The following RALYL variants were observed in gnomAD, a reference collection of about 807,000 sequenced individuals.
RALYL encodes the protein RNA-binding Raly-like protein.
Under a neutral mutation model 35.1 loss-of-function variants are expected in RALYL, and 29 were observed. The ratio of observed to expected loss-of-function variants is 0.83; its 90% CI spans 0.61 to 1.13. The LOEUF (loss-of-function observed/expected upper bound fraction) is 1.13, where lower values mean the gene tolerates loss of function less well. Among genes scored for constraint, RALYL ranks in the 50% most tolerant of loss-of-function variants. The pLI is 0.00. For synonymous variants in RALYL, 120 were observed against 127.6 expected (o/e 0.94, Z 0.40); for missense variants, 359 against 360.4 (o/e 1.00, Z 0.03).
intron 1 of RALYL, among the ~76,000 whole-genome samples, chr8:84,522,900 C>T (rs927318661): frequency 5.3e-5 from 8 of 151,848 alleles, no homozygotes; most frequent in Non-Finnish European, 7.4e-5. Context: ...AAGACATACC[C>T]GAGACTGGTT....
intron 2 of RALYL, among the ~76,000 whole-genome samples, chr8:84,670,775 G>A (rs192970750): frequency 9.5e-4 from 145 of 152,258 alleles, no homozygotes; most frequent in African/African-American, 3.2e-3. Flanking sequence ...ACACATTAGG[G>A]ATTATGGGAG....
chr8:84,467,354 G>T, intron 1 of RALYL, among the ~76,000 whole-genome samples: 1 of 151,464 alleles, frequency 6.6e-6, no homozygotes, highest in East Asian at 2.0e-4. Context: ...CTTTGTTCTC[G>T]TTGGTTTCAA....
At chr8:84,834,902 A>C (rs185349325) in intron 4 of RALYL, among the ~76,000 whole-genome samples, 28 of 152,362 alleles carry the variant, frequency 1.8e-4, no homozygotes, top group African/African-American at 4.6e-4. Flanking sequence ...CTGCCTTTTC[A>C]GAGCTTATGA....
chr8:84,702,575 T>C (rs1227961067), intron 2 of RALYL, among the ~76,000 whole-genome samples: 1 of 150,078 alleles, frequency 6.7e-6, no homozygotes, highest in African/African-American at 2.5e-5. Flanking sequence ...ACTCATTCTT[T>C]CCCTTTCTCT....
intron 1 of RALYL, among the ~76,000 whole-genome samples, chr8:84,406,082 AC>A (rs1190705541): frequency 1.3e-5 from 2 of 151,612 alleles, no homozygotes; most frequent in African/African-American, 4.8e-5. Flanking sequence ...AAAAAGAATA[AC>A]AAAAAGTTAA....
chr8:84,277,005 A>G (rs968161284), intron 1 of RALYL, among the ~76,000 whole-genome samples: 9 of 152,222 alleles, frequency 5.9e-5, no homozygotes, highest in Non-Finnish European at 1.2e-4. Flanking sequence ...GAAAGCACGC[A>G]GCTGCCATTG....
chr8:84,913,645 T>A (rs1297235666), intron 8 of RALYL, among the ~76,000 whole-genome samples: 1 of 151,984 alleles, frequency 6.6e-6, no homozygotes, highest in African/African-American at 2.4e-5. Context: ...TCCTTCTACA[T>A]CTGTTATAAT....
At chr8:84,521,218 T>C (rs779176399) in intron 1 of RALYL, among the ~76,000 whole-genome samples, 1 of 152,168 alleles carries the variant, frequency 6.6e-6, no homozygotes, top group Non-Finnish European at 1.5e-5. Flanking sequence ...TCTTTCTCTC[T>C]TACATGTCAG....
At chr8:84,372,272 G>C (rs1226153365) in intron 1 of RALYL, among the ~76,000 whole-genome samples, 1 of 151,980 alleles carries the variant, frequency 6.6e-6, no homozygotes, top group Non-Finnish European at 1.5e-5. Flanking sequence ...CAGAAAAAAG[G>C]GCAGGTATTT....
Position 84,661,038 on chromosome 8 carries a change from C to T in RALYL, c.257-113541C>T, listed in dbSNP as rs183946349. Among the ~76,000 whole-genome samples, 1,430 of 152,200 alleles carry T rather than the reference C, an allele frequency of 9.4e-3. 14 individuals carry two copies. The highest frequency in any genetic ancestry group is 0.014 in the Non-Finnish European group (938 of 68,002). Reference sequence around the variant, plus strand: ...CTGCCTCCCGGGTTCACGCCATTCTCCTGCCTCAGTCTCCCGACTAGCTGG... The same window carrying T: ...CTGCCTCCCGGGTTCACGCCATTCTTCTGCCTCAGTCTCCCGACTAGCTGG... On this transcript the variant is annotated intron_variant, in intron 2 of 8. Transcript: ENST00000521268.
chr8:84,297,448 G>A (rs1340857567), intron 1 of RALYL, among the ~76,000 whole-genome samples: 1 of 151,972 alleles, frequency 6.6e-6, no homozygotes, highest in Non-Finnish European at 1.5e-5. Flanking sequence ...TCTTTATTCA[G>A]TCTACTCTTG....
At chr8:84,434,964 G>C (rs907584544) in intron 1 of RALYL, among the ~76,000 whole-genome samples, 4 of 152,086 alleles carry the variant, frequency 2.6e-5, no homozygotes, top group Admixed American at 6.6e-5. Context: ...TGAATGCAAA[G>C]GAGATAAACT....
intron 4 of RALYL, among the ~76,000 whole-genome samples, chr8:84,845,350 G>T (rs1269381344): frequency 2.7e-5 from 4 of 149,552 alleles, no homozygotes; most frequent in East Asian, 1.9e-4. Flanking sequence ...TACATCTGTT[G>T]TTTTTTTATT....
chr8:84,861,668 G>A (rs55941819), intron 5 of RALYL, among the ~76,000 whole-genome samples: 417 of 152,202 alleles, frequency 2.7e-3, no homozygotes, highest in Middle Eastern at 0.01. Context: ...TTATCCTCAC[G>A]CTAGCTTCAT....
intron 1 of RALYL, among the ~76,000 whole-genome samples, chr8:84,296,413 T>C (rs967186997): frequency 1.3e-5 from 2 of 152,076 alleles, no homozygotes. Flanking sequence ...CACATACATA[T>C]ATCCCAGGAC....
At chr8:84,390,221 A>T (rs1464343669) in intron 1 of RALYL, among the ~76,000 whole-genome samples, 50 of 152,000 alleles carry the variant, frequency 3.3e-4, no homozygotes, top group Non-Finnish European at 1.5e-5. Flanking sequence ...AAGCTTTTTG[A>T]TGTGCTGCTG....
intron 4 of RALYL, among the ~76,000 whole-genome samples, chr8:84,806,325 A>G (rs1824592119): frequency 6.6e-6 from 1 of 152,198 alleles, no homozygotes; most frequent in Admixed American, 6.5e-5. Flanking sequence ...CTACACCTGA[A>G]GAAATCTTTT....
chr8:84,357,228 T>C (rs1010578681), intron 1 of RALYL, among the ~76,000 whole-genome samples: 1 of 151,954 alleles, frequency 6.6e-6, no homozygotes, highest in Non-Finnish European at 1.5e-5. Flanking sequence ...TCCCCAATCA[T>C]TGTGACAAGC....
intron 2 of RALYL, among the ~76,000 whole-genome samples, chr8:84,769,242 C>CT (rs149651525): frequency 0.23 from 34,932 of 151,930 alleles, 4,239 homozygotes; most frequent in Non-Finnish European, 0.25. Flanking sequence ...CAGCCTCGAT[C>CT]TGGCTGTGCC....
Sources: allele counts gnomAD v4.1 joint callset (sites outside exome capture counted in the v4.1 genomes callset), GRCh38; gene constraint gnomAD v4.1.1; transcripts MANE v1.5; gene names NCBI Gene and HGNC (gene_info 2026-07-23, HGNC 2026-07-21).